TEAD1: variants seen among roughly 807,000 people sequenced by gnomAD.
The protein encoded by TEAD1 is TEA domain transcription factor 1, also known as transcriptional enhancer factor TEF-1.
Under a neutral mutation model 54.9 loss-of-function variants are expected in TEAD1, and 9 were observed. The observed-to-expected ratio is 0.16, with a 90% CI of 0.10 to 0.29. The LOEUF is 0.29. TEAD1 is among the 10% of genes least tolerant of loss of function. TEAD1 has a pLI of 1.00. For synonymous variants in TEAD1, 200 were observed against 187.8 expected (o/e 1.07, Z -0.53); for missense variants, 387 against 535.9 (o/e 0.72, Z 2.74).
At chr11:12,792,909 A>T (rs1198905883) in intron 3 of TEAD1, among the ~76,000 whole-genome samples, 1 of 152,166 alleles carries the variant, frequency 6.6e-6, no homozygotes. Context: ...TTAAAAAATT[A>T]GCCGGGAATG....
At chr11:12,756,587 TATTC>T (rs1275968440) in intron 2 of TEAD1, among the ~76,000 whole-genome samples, 1 of 152,234 alleles carries the variant, frequency 6.6e-6, no homozygotes, top group African/African-American at 2.4e-5. Flanking sequence ...GGATCATCAC[TATTC>T]ATTAGGAATT....
chr11:12,701,754 A>G (rs1472201515), intron 2 of TEAD1, among the ~76,000 whole-genome samples: 1 of 152,196 alleles, frequency 6.6e-6, no homozygotes, highest in Non-Finnish European at 1.5e-5. Flanking sequence ...CTCACCAGAT[A>G]AGAGACTTTA....
At chr11:12,751,598 A>G (rs767043680) in intron 2 of TEAD1, among the ~76,000 whole-genome samples, 12 of 152,192 alleles carry the variant, frequency 7.9e-5, no homozygotes, top group Non-Finnish European at 1.3e-4. Flanking sequence ...TGCTTGGGAC[A>G]TATGGCTGAA....
chr11:12,765,166 T>G (rs977282831), intron 3 of TEAD1, among the ~76,000 whole-genome samples: 1 of 152,110 alleles, frequency 6.6e-6, no homozygotes, highest in East Asian at 1.9e-4. Context: ...ACTATTTGGC[T>G]CTGGATGCCT....
intron 9 of TEAD1, among the ~76,000 whole-genome samples, chr11:12,891,546 A>G: frequency 6.6e-6 from 1 of 152,246 alleles, no homozygotes. Context: ...AAGGATGCTG[A>G]TAAGATTTGA....
At chr11:12,932,784 T>C (rs1240353377) in intron 12 of TEAD1, among the ~76,000 whole-genome samples, 2 of 152,172 alleles carry the variant, frequency 1.3e-5, no homozygotes, top group African/African-American at 4.8e-5. Flanking sequence ...CCCTAGGCCT[T>C]CCCATTCACT....
At chr11:12,909,292 C>G (rs566593121) in intron 10 of TEAD1, among the ~76,000 whole-genome samples, 2 of 152,162 alleles carry the variant, frequency 1.3e-5, no homozygotes, top group Non-Finnish European at 2.9e-5. Flanking sequence ...ATATCCAAAG[C>G]ACTTTGCCAC....
At chr11:12,891,629 T>C (rs956931412) in intron 9 of TEAD1, among the ~76,000 whole-genome samples, 1 of 152,238 alleles carries the variant, frequency 6.6e-6, no homozygotes, top group Non-Finnish European at 1.5e-5. Flanking sequence ...CCTTTCATTC[T>C]CAAAATAAGC....
At chr11:12,739,007 A>G (rs1383275193) in intron 2 of TEAD1, among the ~76,000 whole-genome samples, 1 of 152,174 alleles carries the variant, frequency 6.6e-6, no homozygotes, top group South Asian at 2.1e-4. Flanking sequence ...ATAGGTATCC[A>G]GGAAGGCTCC....
At chr11:12,915,366 C>T (rs542265270) in intron 10 of TEAD1, among the ~76,000 whole-genome samples, 6 of 152,256 alleles carry the variant, frequency 3.9e-5, no homozygotes, top group South Asian at 2.1e-4. Context: ...CTCCAGAGGA[C>T]GGAGGTTTTG....
chr11:12,705,782 G>T (rs57318984), intron 2 of TEAD1, among the ~76,000 whole-genome samples: 5 of 152,074 alleles, frequency 3.3e-5, no homozygotes, highest in Non-Finnish European at 7.4e-5. Flanking sequence ...ACTTTTATGA[G>T]TTATTTGTAA....
chr11:12,827,941 C>T (rs1672289126), intron 3 of TEAD1, among the ~76,000 whole-genome samples: 1 of 152,158 alleles, frequency 6.6e-6, no homozygotes, highest in Non-Finnish European at 1.5e-5. Context: ...TTGTTGTATT[C>T]CTAGCCAATG....
intron 2 of TEAD1, among the ~76,000 whole-genome samples, chr11:12,749,953 C>T (rs1321442887): frequency 6.6e-6 from 1 of 152,144 alleles, no homozygotes; most frequent in Non-Finnish European, 1.5e-5. Context: ...TAATTGGCCC[C>T]TGAATTTGCA....
chr11:12,720,414 A>G (rs1944168363), intron 2 of TEAD1, among the ~76,000 whole-genome samples: 1 of 152,200 alleles, frequency 6.6e-6, no homozygotes, highest in Non-Finnish European at 1.5e-5. Flanking sequence ...ATCAAATTCT[A>G]CAATGCTTAT....
At chr11:12,878,980 C>A in intron 5 of TEAD1, 1 of 1,117,122 alleles carries the variant, frequency 9.0e-7, no homozygotes, top group Non-Finnish European at 1.2e-6. Flanking sequence ...GTGTTGTTAG[C>A]CTTGGCTTTC....
At chr11:12,746,104 C>T (rs1027123578) in intron 2 of TEAD1, among the ~76,000 whole-genome samples, 10 of 152,216 alleles carry the variant, frequency 6.6e-5, no homozygotes, top group Non-Finnish European at 1.0e-4. Context: ...CCTCCTAACT[C>T]CCTACAGTGA....
In TEAD1 at chr11:12,777,206, T is replaced by C. The variant is rs371823463; in HGVS notation, c.202+12772T>C. Among the ~76,000 whole-genome samples the C allele has an allele frequency of 3.3e-5, 5 of 152,254 alleles. No individual in the cohort carries two copies. The East Asian group carries it at 7.7e-4, about 24-fold the overall frequency. On this transcript the variant is annotated intron_variant, in intron 3 of 12. Coordinates refer to ENST00000527636, the MANE Select transcript of TEAD1 (RefSeq NM_021961.6). The stretch of plus-strand genomic sequence containing the variant: ...AAACCTGCTGCCCAGGATGTTTAAT[T>C]TGTTTAAAAAATTTTTTCTTTATTG...
Position 12,930,161 on chromosome 11 carries a change from T to G in TEAD1, c.1015-13T>G. On this transcript the variant is annotated splice_polypyrimidine_tract_variant and intron_variant, in intron 11 of 12. Transcript: ENST00000527636. ...AAAAGTGTAAAAATACTGAAATCCTTTTTTCCTCACAGACGGAGTATGCAA... is the reference window on the plus strand; with the variant it reads ...AAAAGTGTAAAAATACTGAAATCCTGTTTTCCTCACAGACGGAGTATGCAA... 1.2e-6 allele frequency: 2 copies of G among 1,614,192 alleles called. No homozygotes were observed. The highest frequency in any genetic ancestry group is 1.7e-6 in the Non-Finnish European group (2 of 1,180,020).
At chr11:12,882,104 A>C in intron 8 of TEAD1, 147 bp downstream of exon 8, 1 of 832,782 alleles carries the variant, frequency 1.2e-6, no homozygotes, top group South Asian at 1.4e-5. Context: ...GGTAGCCTGT[A>C]GCTCAGGAGG....
Sources: gnomAD v4.1 joint callset for allele counts (sites outside exome capture counted in the v4.1 genomes callset) on GRCh38, gnomAD v4.1.1 for gene constraint, MANE v1.5 for transcripts, NCBI Gene and HGNC (gene_info 2026-07-23, HGNC 2026-07-21) for gene names.